The following ADAMTSL3 variants were observed in gnomAD, a reference collection of about 807,000 sequenced individuals.
ADAMTSL3 encodes ADAMTS-like protein 3.
ADAMTSL3 carries 128 observed loss-of-function variants against 201.7 expected under a neutral mutation model. That is an observed-to-expected ratio of 0.63 (90% CI 0.55 to 0.73). The LOEUF is 0.73. Ranked by LOEUF, ADAMTSL3 falls within the 30% of genes least tolerant of loss-of-function variation. The pLI, the probability that ADAMTSL3 is intolerant of heterozygous loss-of-function variation, is 0.00. For missense variants in ADAMTSL3, 1,990 were observed against 2,119.6 expected (o/e 0.94, Z 1.20); for synonymous variants, 738 against 748.4 (o/e 0.99, Z 0.23).
chr15:83,924,346 A>G (rs543508091), intron 17 of ADAMTSL3, among the ~76,000 whole-genome samples: 62 of 152,332 alleles, frequency 4.1e-4, no homozygotes, highest in African/African-American at 1.2e-3. Context: ...TGTTTCCTCC[A>G]GGGCACTTCT....
intron 5 of ADAMTSL3, among the ~76,000 whole-genome samples, chr15:83,818,005 C>G (rs927707813): frequency 4.6e-5 from 7 of 152,016 alleles, no homozygotes; most frequent in Non-Finnish European, 8.8e-5. Flanking sequence ...AAGCAAGACT[C>G]TATTTCAAAA....
At chr15:83,828,134 C>T (rs1026568033) in intron 6 of ADAMTSL3, among the ~76,000 whole-genome samples, 12 of 152,120 alleles carry the variant, frequency 7.9e-5, no homozygotes, top group South Asian at 6.2e-4. Flanking sequence ...GCCATTTTCA[C>T]GATATTGATT....
intron 3 of ADAMTSL3, among the ~76,000 whole-genome samples, chr15:83,743,241 A>G (rs951364587): frequency 1.3e-5 from 2 of 152,230 alleles, no homozygotes; most frequent in Non-Finnish European, 2.9e-5. Flanking sequence ...ATTTGAATAA[A>G]TGCTTTAAAA....
intron 4 of ADAMTSL3, among the ~76,000 whole-genome samples, chr15:83,782,479 C>G (rs2063187444): frequency 6.6e-6 from 1 of 151,808 alleles, no homozygotes. Flanking sequence ...TCCTCCTCCT[C>G]AAAAAACAAA....
rs376941554 is a variant in ADAMTSL3, at chr15:83,715,723, C to T, written c.189+11215C>T. On this transcript the variant is annotated intron_variant, in intron 3 of 29. Coordinates refer to ENST00000286744, the MANE Select transcript of ADAMTSL3 (RefSeq NM_207517.3). The stretch of plus-strand genomic sequence containing the variant: ...TCCTTGTTTCCTCCTCTGAAATAGG[C>T]CAACTGCTGACCGGTATTAAAGCCC... 1.1e-4 allele frequency among the ~76,000 whole-genome samples: 17 copies of T among 152,306 alleles called. No homozygotes were observed. In the East Asian group the frequency reaches 2.1e-3, roughly 19 times the overall value.
At chr15:83,745,190 C>A (rs1166281239) in intron 3 of ADAMTSL3, among the ~76,000 whole-genome samples, 2 of 152,168 alleles carry the variant, frequency 1.3e-5, no homozygotes, top group African/African-American at 4.8e-5. Flanking sequence ...GGGAGTATCA[C>A]CTTCCTGGTC....
chr15:83,678,615 C>G (rs987351625), intron 2 of ADAMTSL3, among the ~76,000 whole-genome samples: 52 of 150,278 alleles, frequency 3.5e-4, no homozygotes, highest in Non-Finnish European at 7.0e-4. Flanking sequence ...TCTTGTAGTT[C>G]TTTGGGTTTA....
rs866396468 is a variant in ADAMTSL3, at chr15:84,025,256, G to A, written c.4476G>A (p.Trp1492Ter). 2 of 1,608,504 alleles carry A rather than the reference G, an allele frequency of 1.2e-6. No individual in the cohort carries two copies. Among genetic ancestry groups the A allele is most frequent in the Non-Finnish European group, 1.7e-6 (2 of 1,177,554 alleles). Residue 1492 changes from tryptophan to a stop codon, truncating the protein, a stop_gained, in exon 27 of 30, where the codon TGG becomes TGA. Transcript: ENST00000286744. LOFTEE classifies it high-confidence loss of function. ...DCPARWFTSV[W>*]SQCSVSCGEG... ...TTCCTAGGTGGTTCACAAGTGTGTG[G>A]TCACAGTGCTCTGTGTCTTGCGGTG... is the stretch of plus-strand genomic sequence containing the variant.
intron 17 of ADAMTSL3, among the ~76,000 whole-genome samples, chr15:83,941,994 G>A (rs1431600499): frequency 6.6e-6 from 1 of 152,214 alleles, no homozygotes; most frequent in East Asian, 1.9e-4. Context: ...TGGTGGGAGT[G>A]TAAATTGGGA....
At chr15:83,751,282 C>T (rs1360198629) in intron 3 of ADAMTSL3, among the ~76,000 whole-genome samples, 1 of 152,076 alleles carries the variant, frequency 6.6e-6, no homozygotes, top group African/African-American at 2.4e-5. Flanking sequence ...AAAATTTTGG[C>T]ATTTTATATT....
intron 4 of ADAMTSL3, among the ~76,000 whole-genome samples, chr15:83,777,172 A>G (rs536975644): frequency 4.6e-5 from 7 of 152,282 alleles, no homozygotes; most frequent in South Asian, 4.1e-4. Context: ...ACAGTCACCA[A>G]CAGGGGCCTC....
chr15:83,660,070 G>A (rs2141356134), intron 2 of ADAMTSL3, among the ~76,000 whole-genome samples: 1 of 152,256 alleles, frequency 6.6e-6, no homozygotes. Context: ...TGTCAGGGGT[G>A]GGCTTTGAAT....
intron 23 of ADAMTSL3, among the ~76,000 whole-genome samples, chr15:84,000,770 G>A (rs2067777112): frequency 6.6e-6 from 1 of 152,146 alleles, no homozygotes; most frequent in Non-Finnish European, 1.5e-5. Flanking sequence ...CAGCATATAT[G>A]CAAAAGCACG....
At chr15:83,974,722 A>T (rs534575209) in intron 20 of ADAMTSL3, among the ~76,000 whole-genome samples, 2 of 152,366 alleles carry the variant, frequency 1.3e-5, no homozygotes, top group East Asian at 3.9e-4. Context: ...CCAATCAGGC[A>T]TCTGTAGAAA....
chr15:83,899,778 A>G, intron 15 of ADAMTSL3, 47 bp downstream of exon 15: 1 of 1,581,948 alleles, frequency 6.3e-7, no homozygotes, highest in Non-Finnish European at 8.6e-7. Context: ...TAGCCAGTTA[A>G]CATGATATAT....
chr15:84,028,607 G>A (rs954020042), intron 27 of ADAMTSL3, among the ~76,000 whole-genome samples: 1 of 152,150 alleles, frequency 6.6e-6, no homozygotes, highest in African/African-American at 2.4e-5. Context: ...GACATTTATG[G>A]TTTTAAGCAT....
chr15:83,655,689 G>A lies in ADAMTSL3; in HGVS notation c.-33-40G>A, dbSNP rs2730080. ...TAAGTCACGGTTTACTGCCATGGGG[G>A]CCAGAGCTGGTTGGTAATGAACTCT... On this transcript the variant is annotated intron_variant, in intron 1 of 29. Transcript: ENST00000286744. 0.24 allele frequency: 348,001 copies of A among 1,455,024 alleles called. 45,692 individuals carry two copies. Among genetic ancestry groups the A allele is most frequent in the Admixed American group, 0.37 (21,428 of 57,498 alleles). The allele number at this position is 1,455,024 out of a possible 1,614,324, so 90.1% of individuals were successfully genotyped here.
chr15:83,907,070 G>T (rs1331292186), intron 15 of ADAMTSL3, among the ~76,000 whole-genome samples: 8 of 144,744 alleles, frequency 5.5e-5, no homozygotes, highest in African/African-American at 2.1e-4. Context: ...CTCCAGCCTG[G>T]GTGACAGAGC....
chr15:83,702,270 T>C (rs556790620), intron 2 of ADAMTSL3, among the ~76,000 whole-genome samples: 17 of 152,208 alleles, frequency 1.1e-4, no homozygotes, highest in Middle Eastern at 6.8e-3. Context: ...AAACAGAACA[T>C]AAAAGTTCAG....
Sources: allele counts gnomAD v4.1 joint callset (sites outside exome capture counted in the v4.1 genomes callset), GRCh38; gene constraint gnomAD v4.1.1; transcripts MANE v1.5; gene names NCBI Gene and HGNC (gene_info 2026-07-23, HGNC 2026-07-21).